The following NCKAP5 variants were observed in gnomAD, a reference collection of about 807,000 sequenced individuals.
NCKAP5 encodes NCK associated protein 5, also known as nck-associated protein 5.
In NCKAP5, 92 loss-of-function variants were observed where a neutral mutation model predicts 167.0. The observed-to-expected ratio is 0.55, with a 90% CI of 0.47 to 0.66. NCKAP5 has a LOEUF of 0.66. Among genes scored for constraint, NCKAP5 ranks in the 30% least tolerant of loss-of-function variants. The pLI, the probability that NCKAP5 is intolerant of heterozygous loss-of-function variation, is 0.00. For synonymous variants in NCKAP5, 891 were observed against 877.4 expected (o/e 1.02, Z -0.27); for missense variants, 2,378 against 2,315.0 (o/e 1.03, Z -0.56).
chr2:133,008,084 C>A (rs1573720402), intron 6 of NCKAP5, among the ~76,000 whole-genome samples: 1 of 152,134 alleles, frequency 6.6e-6, no homozygotes, highest in Admixed American at 6.5e-5. Flanking sequence ...TGACTGGCAG[C>A]CCAGCCTCGC....
intron 3 of NCKAP5, among the ~76,000 whole-genome samples, chr2:133,455,599 A>G (rs1280428562): frequency 4.6e-5 from 7 of 152,090 alleles, no homozygotes; most frequent in South Asian, 4.1e-4. Flanking sequence ...TTTTCTGCTC[A>G]TTCAAATTAT....
chr2:133,101,691 C>CA (rs1559139746), intron 6 of NCKAP5, among the ~76,000 whole-genome samples: 1 of 152,108 alleles, frequency 6.6e-6, no homozygotes, highest in Non-Finnish European at 1.5e-5. Flanking sequence ...CAATTCAATT[C>CA]AAAAAATACA....
chr2:133,094,387 C>T (rs186158822), intron 6 of NCKAP5, among the ~76,000 whole-genome samples: 2 of 152,248 alleles, frequency 1.3e-5, no homozygotes, highest in South Asian at 2.1e-4. Context: ...GCTGCAGTAA[C>T]AAAATTCCTT....
rs1178786913 is a variant in NCKAP5, at chr2:132,778,762, T to C, written c.5049+2290A>G. On this transcript the variant is annotated intron_variant, in intron 15 of 19. Transcript: ENST00000409261. Reference sequence around the variant, plus strand: ...TGAATTTTAAAAGGTTCATGGGTATTCACATCAATGTGCTGTGGTGTTAAA... The same window carrying C: ...TGAATTTTAAAAGGTTCATGGGTATCCACATCAATGTGCTGTGGTGTTAAA... Among the ~76,000 whole-genome samples, 7 of 152,328 alleles carry C rather than the reference T, an allele frequency of 4.6e-5. No individual in the cohort carries two copies. In the South Asian group the frequency reaches 6.2e-4, roughly 14 times the overall value.
At chr2:133,582,866 A>G in the NCKAP5 span, among the ~76,000 whole-genome samples, 1 of 152,200 alleles carries the variant, frequency 6.6e-6, no homozygotes, top group East Asian at 1.9e-4. Context: ...AGGTTAGGGT[A>G]GGGATATACT....
intron 11 of NCKAP5, among the ~76,000 whole-genome samples, chr2:132,852,288 G>A (rs113113960): frequency 0.011 from 1,637 of 152,216 alleles, 23 homozygotes; most frequent in African/African-American, 0.038. Flanking sequence ...TCATGCTACA[G>A]GGTGCATTTT....
chr2:132,731,886 C>T lies in NCKAP5; in HGVS notation c.5294G>A (p.Arg1765Lys). 1 of 1,613,834 alleles carries T rather than the reference C, an allele frequency of 6.2e-7. No individual in the cohort carries two copies. The highest frequency in any genetic ancestry group is 8.5e-7 in the Non-Finnish European group (1 of 1,179,870). The change falls in exon 17 of 20, where the codon AGA (arginine) becomes AAA (lysine). Residue 1765 changes from arginine (R) to lysine (K), a missense_variant. Physicochemically the swap from Arg to Lys is conservative, Grantham distance 26 (BLOSUM62 2). This residue lies in a region of NCKAP5 where 1,325 missense variants were observed against 1,274.5 expected (regional missense o/e 1.04). Transcript: ENST00000409261. ...CACTTCACGTTCAAGGGTTTGGGCT[C>T]TCATGGAAGAAACTGCAGAAAGGGC... Reference protein sequence around the residue: ...QSALSAVSSMRAQTLEREVPS... With the variant: ...QSALSAVSSMKAQTLEREVPS...
At chr2:133,265,096 T>C (rs1375482086) in intron 4 of NCKAP5, 2 of 152,168 alleles carry the variant, frequency 1.3e-5, no homozygotes, top group Non-Finnish European at 2.9e-5. Flanking sequence ...TTCTGGAAAA[T>C]GCTCTTGTAA....
intron 19 of NCKAP5, among the ~76,000 whole-genome samples, chr2:132,712,248 A>G (rs1162089932): frequency 6.6e-6 from 1 of 152,196 alleles, no homozygotes; most frequent in Non-Finnish European, 1.5e-5. Flanking sequence ...CTTGCCCCTC[A>G]GAGAAATCCT....
intron 16 of NCKAP5, among the ~76,000 whole-genome samples, chr2:132,752,965 T>C (rs1680239448): frequency 6.6e-6 from 1 of 152,208 alleles, no homozygotes; most frequent in Admixed American, 6.5e-5. Context: ...AGGATTAGCC[T>C]TTTTGTTCTA....
chr2:133,513,400 T>G (rs1230427762), intron 3 of NCKAP5, among the ~76,000 whole-genome samples: 1 of 152,224 alleles, frequency 6.6e-6, no homozygotes, highest in South Asian at 2.1e-4. Flanking sequence ...AGGAGACAAG[T>G]AGGACCTCTT....
the NCKAP5 span, among the ~76,000 whole-genome samples, chr2:133,674,828 G>A: frequency 1.3e-5 from 2 of 152,090 alleles, no homozygotes. Context: ...TCCCCAGGCC[G>A]GGTTTAACAA....
chr2:133,113,563 G>C (rs1239790816), intron 6 of NCKAP5, among the ~76,000 whole-genome samples: 1 of 152,212 alleles, frequency 6.6e-6, no homozygotes, highest in African/African-American at 2.4e-5. Context: ...CTTCCACCAG[G>C]TGTGGGTTTC....
intron 8 of NCKAP5, among the ~76,000 whole-genome samples, chr2:132,925,321 G>A (rs967965733): frequency 2.0e-5 from 3 of 151,858 alleles, no homozygotes; most frequent in South Asian, 2.1e-4. Flanking sequence ...TTGGGAGGCC[G>A]AGGCGGGCAG....
intron 13 of NCKAP5, among the ~76,000 whole-genome samples, chr2:132,787,108 G>A (rs916427536): frequency 2.6e-5 from 4 of 152,132 alleles, no homozygotes; most frequent in Non-Finnish European, 4.4e-5. Context: ...CCAGGACTTT[G>A]GGAGACCAAG....
intron 11 of NCKAP5, among the ~76,000 whole-genome samples, chr2:132,820,213 T>C (rs1423531729): frequency 6.6e-6 from 1 of 150,880 alleles, no homozygotes; most frequent in Non-Finnish European, 1.5e-5. Flanking sequence ...TTTTAGTAAG[T>C]TTTTTGTTTT....
chr2:132,700,933 G>GCC (rs1558941467), intron 19 of NCKAP5, among the ~76,000 whole-genome samples: 6 of 148,652 alleles, frequency 4.0e-5, no homozygotes, highest in Admixed American at 1.3e-4. Context: ...CCCTGGGCGG[G>GCC]GGGGGGGGCT....
chr2:133,253,642 C>T (rs2088467182), intron 4 of NCKAP5, among the ~76,000 whole-genome samples: 1 of 152,136 alleles, frequency 6.6e-6, no homozygotes, highest in Admixed American at 6.5e-5. Flanking sequence ...AGCTTGAGTT[C>T]TGCCTTTTTC....
chr2:133,308,519 T>C (rs1680969326), intron 3 of NCKAP5, among the ~76,000 whole-genome samples: 1 of 152,062 alleles, frequency 6.6e-6, no homozygotes, highest in Non-Finnish European at 1.5e-5. Flanking sequence ...CCTTTTGATG[T>C]AGAAACTCCC....
Sources: allele counts gnomAD v4.1 joint callset (sites outside exome capture counted in the v4.1 genomes callset), GRCh38; gene constraint gnomAD v4.1.1; regional missense constraint gnomAD v4.1.1; transcripts MANE v1.5; gene names NCBI Gene and HGNC (gene_info 2026-07-23, HGNC 2026-07-21).